The following SAMD12 variants were observed in gnomAD, a reference collection of about 807,000 sequenced individuals.
SAMD12 encodes the protein sterile alpha motif domain-containing protein 12.
In SAMD12, 9 loss-of-function variants were observed where a neutral mutation model predicts 15.0. That is an observed-to-expected ratio of 0.60 (90% CI 0.36 to 1.05). SAMD12 has a LOEUF of 1.05. Ranked by LOEUF, SAMD12 falls within the 50% of genes least tolerant of loss-of-function variation. SAMD12 has a pLI of 0.01. For synonymous variants in SAMD12, 86 were observed against 90.1 expected, an observed-to-expected ratio of 0.96 and a Z score of 0.25; for missense variants, 230 against 234.2, an observed-to-expected ratio of 0.98 and a Z score of 0.12.
chr8:118,152,751 G>A, the SAMD12 span, among the ~76,000 whole-genome samples: 689 of 152,038 alleles, frequency 4.5e-3, 6 homozygotes, highest in African/African-American at 0.014. Context: ...CACCCCCCTC[G>A]GCCTCCCACA....
chr8:118,208,154 G>A (rs1319307218), intron 4 of SAMD12, among the ~76,000 whole-genome samples: 1 of 152,172 alleles, frequency 6.6e-6, no homozygotes, highest in Non-Finnish European at 1.5e-5. Flanking sequence ...CTACTCGGGA[G>A]GCTGAGGCAG....
At chr8:118,235,929 C>T (rs1812419189) in intron 4 of SAMD12, among the ~76,000 whole-genome samples, 2 of 152,120 alleles carry the variant, frequency 1.3e-5, no homozygotes, top group South Asian at 2.1e-4. Flanking sequence ...TATTTGCAAA[C>T]GTTTGATCCT....
chr8:118,537,229 G>A (rs1487800763), intron 2 of SAMD12, among the ~76,000 whole-genome samples: 1 of 152,036 alleles, frequency 6.6e-6, no homozygotes. Context: ...TGACCTTTGA[G>A]AGTCTGATTA....
chr8:118,533,669 GAATT>G (rs1825753654), intron 2 of SAMD12, among the ~76,000 whole-genome samples: 1 of 152,112 alleles, frequency 6.6e-6, no homozygotes, highest in South Asian at 2.1e-4. Flanking sequence ...TCTTCTTGTT[GAATT>G]GATCCCTTTA....
intron 4 of SAMD12, among the ~76,000 whole-genome samples, chr8:118,267,335 T>C (rs1813228327): frequency 6.6e-6 from 1 of 152,064 alleles, no homozygotes; most frequent in Non-Finnish European, 1.5e-5. Flanking sequence ...TCTCAGAAAA[T>C]AATTTTGCTA....
chr8:118,298,463 C>G (rs1281298262), intron 4 of SAMD12, among the ~76,000 whole-genome samples: 1 of 152,022 alleles, frequency 6.6e-6, no homozygotes, highest in African/African-American at 2.4e-5. Context: ...GCTAGATAAT[C>G]CCAGTTGATT....
intron 4 of SAMD12, among the ~76,000 whole-genome samples, chr8:118,247,427 CT>C (rs1431831629): frequency 6.6e-6 from 1 of 151,750 alleles, no homozygotes; most frequent in Non-Finnish European, 1.5e-5. Flanking sequence ...AATGTTCTCG[CT>C]ATAAAGAAAT....
chr8:118,342,610 A>G (rs1586566048), intron 4 of SAMD12, among the ~76,000 whole-genome samples: 1 of 152,348 alleles, frequency 6.6e-6, no homozygotes, highest in South Asian at 2.1e-4. Flanking sequence ...TACTGACTTA[A>G]TGCCCCAAAG....
chr8:118,530,792 G>T (rs1446919454), intron 2 of SAMD12, among the ~76,000 whole-genome samples: 1 of 152,148 alleles, frequency 6.6e-6, no homozygotes, highest in Non-Finnish European at 1.5e-5. Context: ...ATATCTAGAT[G>T]AGCTTTTGCT....
At chr8:118,473,439 A>C (rs1467033077) in intron 2 of SAMD12, among the ~76,000 whole-genome samples, 5 of 152,200 alleles carry the variant, frequency 3.3e-5, no homozygotes, top group African/African-American at 1.2e-4. Flanking sequence ...CTGATCCTGT[A>C]GTCCCACAAC....
chr8:118,563,162 G>C (rs1472294545), intron 2 of SAMD12, among the ~76,000 whole-genome samples: 1 of 152,168 alleles, frequency 6.6e-6, no homozygotes, highest in Non-Finnish European at 1.5e-5. Context: ...ATGAACACAA[G>C]AGATGATGAA....
chr8:118,368,682 A>G (rs535237341), intron 4 of SAMD12, among the ~76,000 whole-genome samples: 1 of 152,312 alleles, frequency 6.6e-6, no homozygotes, highest in African/African-American at 2.4e-5. Context: ...TATTGCATTC[A>G]CTGCTTTGAG....
At chr8:118,593,193 G>A (rs1458255803) in intron 1 of SAMD12, among the ~76,000 whole-genome samples, 1 of 152,096 alleles carries the variant, frequency 6.6e-6, no homozygotes, top group Non-Finnish European at 1.5e-5. Context: ...TCTAAAATGA[G>A]AGATATAATG....
At chr8:118,220,938 A>G (rs917487776) in intron 4 of SAMD12, among the ~76,000 whole-genome samples, 2 of 152,136 alleles carry the variant, frequency 1.3e-5, no homozygotes, top group African/African-American at 2.4e-5. Context: ...GGTGGGGGAC[A>G]TATTGTCCAT....
chr8:118,341,469 T>C (rs1004229978), intron 4 of SAMD12, among the ~76,000 whole-genome samples: 1 of 152,248 alleles, frequency 6.6e-6, no homozygotes, highest in Admixed American at 6.5e-5. Context: ...ATTGTGTGGC[T>C]GTGGCCCAGT....
At chr8:118,279,425 T>C (rs1452056835) in intron 4 of SAMD12, among the ~76,000 whole-genome samples, 1 of 152,242 alleles carries the variant, frequency 6.6e-6, no homozygotes, top group Non-Finnish European at 1.5e-5. Context: ...TGGGTGTGCC[T>C]GGGTGTCTTT....
chr8:118,439,626 T>TC (rs11398637), intron 3 of SAMD12, among the ~76,000 whole-genome samples: 73,459 of 151,800 alleles, frequency 0.48, 19,006 homozygotes, highest in Admixed American at 0.59. Context: ...CAATGGATGC[T>TC]AAAATCCACA....
At chr8:118,251,767 G>A (rs770106307) in intron 4 of SAMD12, among the ~76,000 whole-genome samples, 1 of 152,020 alleles carries the variant, frequency 6.6e-6, no homozygotes, top group Non-Finnish European at 1.5e-5. Context: ...CTGAAAGGGG[G>A]CCAACCTCAA....
At chr8:118,303,385 A>G (rs73320260) in intron 4 of SAMD12, among the ~76,000 whole-genome samples, 3,602 of 152,340 alleles carry the variant, frequency 0.024, 116 homozygotes, top group African/African-American at 0.077. Flanking sequence ...AGGGACAGAT[A>G]GAAGACAGTT....
Sources: allele counts gnomAD v4.1 joint callset (sites outside exome capture counted in the v4.1 genomes callset), GRCh38; gene constraint gnomAD v4.1.1; transcripts MANE v1.5; gene names NCBI Gene and HGNC (gene_info 2026-07-23, HGNC 2026-07-21).